Variants in TMEM132B observed in about 807,000 individuals in gnomAD.
TMEM132B encodes the protein transmembrane protein 132B.
In TMEM132B, 18 loss-of-function variants were observed where a neutral mutation model predicts 90.8. That is an observed-to-expected ratio of 0.20 (90% CI 0.14 to 0.29). TMEM132B has a LOEUF of 0.29. Ranked by LOEUF, TMEM132B falls within the 10% of genes least tolerant of loss-of-function variation. The probability of loss-of-function intolerance (pLI) is 1.00; values close to 1 mark genes in which losing one functional copy is unlikely to be tolerated. For synonymous variants in TMEM132B, 504 were observed against 523.3 expected, an observed-to-expected ratio of 0.96 and a Z score of 0.50; for missense variants, 1,096 against 1,326.8, an observed-to-expected ratio of 0.83 and a Z score of 2.70.
chr12:125,375,569 G>A (rs1401420733), intron 2 of TMEM132B, among the ~76,000 whole-genome samples: 2 of 152,220 alleles, frequency 1.3e-5, no homozygotes, highest in Admixed American at 6.5e-5. Flanking sequence ...TGTCAGCTAC[G>A]TTACGTAATT....
intron 2 of TMEM132B, among the ~76,000 whole-genome samples, chr12:125,400,594 C>T (rs2136319593): frequency 6.6e-6 from 1 of 152,296 alleles, no homozygotes. Flanking sequence ...CTGTGGATCC[C>T]TTGGACTCTC....
intron 2 of TMEM132B, among the ~76,000 whole-genome samples, chr12:125,381,698 A>G (rs971690862): frequency 3.9e-5 from 6 of 151,956 alleles, no homozygotes; most frequent in Non-Finnish European, 7.4e-5. Flanking sequence ...GAATGTATGT[A>G]TGTGTGTGAA....
At chr12:125,512,254 G>T (rs552750743) in intron 3 of TMEM132B, among the ~76,000 whole-genome samples, 1 of 152,182 alleles carries the variant, frequency 6.6e-6, no homozygotes, top group South Asian at 2.1e-4. Flanking sequence ...GCCCCAGCTG[G>T]TTATTACCAC....
At chr12:125,424,888 C>T (rs982243594) in intron 3 of TMEM132B, among the ~76,000 whole-genome samples, 7 of 152,112 alleles carry the variant, frequency 4.6e-5, no homozygotes, top group African/African-American at 1.7e-4. Context: ...TGACAAATTA[C>T]TAAGAGGAGA....
At chr12:125,239,010 G>A (rs909855558) in intron 1 of TMEM132B, among the ~76,000 whole-genome samples, 5 of 152,130 alleles carry the variant, frequency 3.3e-5, no homozygotes, top group Admixed American at 3.3e-4. Context: ...GTCTAATGTG[G>A]TAACTATTAT....
chr12:125,265,885 T>C (rs1399795120), intron 1 of TMEM132B, among the ~76,000 whole-genome samples: 1 of 152,094 alleles, frequency 6.6e-6, no homozygotes, highest in Non-Finnish European at 1.5e-5. Context: ...ATGGGCCAAA[T>C]TGAGCTTGTG....
At chr12:125,303,058 C>T (rs1292455244) in intron 1 of TMEM132B, among the ~76,000 whole-genome samples, 1 of 152,056 alleles carries the variant, frequency 6.6e-6, no homozygotes, top group Non-Finnish European at 1.5e-5. Context: ...GATCGCACCA[C>T]TGCACTCCAG....
intron 1 of TMEM132B, among the ~76,000 whole-genome samples, chr12:125,189,808 TGGGGTGGG>T (rs1440769420): frequency 6.6e-6 from 1 of 151,986 alleles, no homozygotes; most frequent in Non-Finnish European, 1.5e-5. Flanking sequence ...GCTGGGAGTC[TGGGGTGGG>T]GGTGGTCTCT....
chr12:125,190,650 C>T (rs1367189367), intron 1 of TMEM132B, among the ~76,000 whole-genome samples: 77 of 9,188 alleles, frequency 8.4e-3, no homozygotes, highest in Middle Eastern at 0.062. Flanking sequence ...GAAGGGGTGG[C>T]GATGGTGATG....
At position 125,202,060 on chromosome 12, in the gene TMEM132B, T is replaced by C. The variant is rs968673966; in HGVS notation, c.67+15194T>C. 3.5e-4 allele frequency among the ~76,000 whole-genome samples: 53 copies of C among 152,148 alleles called. 1 individual carries two copies. Among genetic ancestry groups the C allele is most frequent in the Non-Finnish European group, 7.1e-4 (48 of 68,026 alleles). On this transcript the variant is annotated intron_variant, in intron 1 of 8. Coordinates refer to ENST00000682704, the MANE Select transcript of TMEM132B (RefSeq NM_001366854.1). ...GTGTTGGTAAACTTTCTCCTCCCCC[T>C]CCCATGGGCCAGTTCATGACTTGCA...
intron 1 of TMEM132B, among the ~76,000 whole-genome samples, chr12:125,210,865 A>G (rs756147266): frequency 5.3e-5 from 8 of 152,164 alleles, no homozygotes; most frequent in Non-Finnish European, 8.8e-5. Flanking sequence ...TGGGAGGCTG[A>G]GGCAGGAGGA....
chr12:125,402,440 G>A (rs1274206735), intron 2 of TMEM132B, among the ~76,000 whole-genome samples: 2 of 152,174 alleles, frequency 1.3e-5, no homozygotes, highest in Admixed American at 6.5e-5. Context: ...GGCTTTCAAA[G>A]TGTTGGGATT....
intron 5 of TMEM132B, chr12:125,587,190 A>AC (rs1268995746): frequency 8.0e-6 from 1 of 124,418 alleles, no homozygotes; most frequent in Non-Finnish European, 1.7e-5. Flanking sequence ...TTAAAAAAAA[A>AC]AAAAACAAGT....
intron 4 of TMEM132B, 144 bp from the exon 5 acceptor site, chr12:125,583,707 A>T (rs1885111186): frequency 3.1e-6 from 3 of 973,470 alleles, no homozygotes; most frequent in Admixed American, 4.6e-5. Context: ...ATTTTGTGTG[A>T]GCTTTGTGGC....
rs181681097 is a variant in TMEM132B at position 125,446,557 on chromosome 12, C to A, written c.1106+30880C>A. 5.4e-4 allele frequency among the ~76,000 whole-genome samples: 82 copies of A among 152,166 alleles called. 1 individual carries two copies. In the East Asian group the frequency reaches 0.014, roughly 27 times the overall value. ...AAGACCTTTAGTCTCTTCTAGACTC[C>A]TTTTTTCTCATTTGTATAGATGCAA... On this transcript the variant is annotated intron_variant, in intron 3 of 8. Transcript: ENST00000682704.
Position 125,654,090 on chromosome 12 carries a change from C to T in TMEM132B, c.2632C>T (p.Pro878Ser), listed in dbSNP as rs1245684463. 1 of 1,614,040 alleles carries T rather than the reference C, an allele frequency of 6.2e-7. No individual in the cohort carries two copies. The highest frequency in any genetic ancestry group is 8.5e-7 in the Non-Finnish European group (1 of 1,180,042). ...SGGPDAFTSF[P>S]TQGKSPDPNN... ...TGGTCCAGATGCCTTTACAAGCTTC[C>T]CCACTCAAGGGAAGTCACCGGACCC... The change falls in exon 9 of 9, where the codon CCC becomes TCC. Residue 878 changes from proline to serine, a missense_variant. Physicochemically the swap from Pro to Ser is moderately conservative, Grantham distance 74. Transcript: ENST00000682704. This position sits in a 1 kb window ranked among gnomAD's most constrained non-coding sequence, Gnocchi z 5.8.
At chr12:125,300,305 G>A (rs1237599102) in intron 1 of TMEM132B, among the ~76,000 whole-genome samples, 3 of 152,098 alleles carry the variant, frequency 2.0e-5, no homozygotes, top group African/African-American at 7.2e-5. Flanking sequence ...CGAAGCATTG[G>A]GATTACAGGC....
intron 1 of TMEM132B, among the ~76,000 whole-genome samples, chr12:125,252,297 T>G (rs1188949939): frequency 1.3e-5 from 2 of 152,194 alleles, no homozygotes; most frequent in African/African-American, 4.8e-5. Flanking sequence ...GCTTTCCCTC[T>G]CCCTTCTCTC....
chr12:125,580,604 G>A (rs150595931), intron 4 of TMEM132B, among the ~76,000 whole-genome samples: 3 of 152,144 alleles, frequency 2.0e-5, no homozygotes, highest in African/African-American at 4.8e-5. Flanking sequence ...AGCAGGTCAG[G>A]TTAAAATGGC....
Sources: gnomAD v4.1 joint callset for allele counts (sites outside exome capture counted in the v4.1 genomes callset) on GRCh38, gnomAD v4.1.1 for gene constraint, Gnocchi (gnomAD v3.1) non-coding constraint, MANE v1.5 for transcripts, NCBI Gene and HGNC (gene_info 2026-07-23, HGNC 2026-07-21) for gene names.